The following DPYD variants were observed in gnomAD, a reference collection of about 807,000 sequenced individuals.
DPYD encodes the protein dihydropyrimidine dehydrogenase [NADP(+)].
Under a neutral mutation model 116.2 loss-of-function variants are expected in DPYD, and 109 were observed. That is an observed-to-expected ratio of 0.94 (90% confidence interval 0.80 to 1.10). The LOEUF is 1.10. Ranked by LOEUF, DPYD falls within the 50% of genes least tolerant of loss-of-function variation. DPYD has a pLI of 0.00. For synonymous variants in DPYD, 440 were observed against 432.0 expected, an observed-to-expected ratio of 1.02 and a Z score of -0.23; for missense variants, 1,302 against 1,254.5, an observed-to-expected ratio of 1.04 and a Z score of -0.57.
At chr1:97,767,068 G>T (rs1665896507) in intron 3 of DPYD, among the ~76,000 whole-genome samples, 1 of 152,152 alleles carries the variant, frequency 6.6e-6, no homozygotes, top group Admixed American at 6.5e-5. Flanking sequence ...TTTCTAGCAT[G>T]ATTTCAGAAT....
At chr1:97,744,623 A>G (rs549310615) in intron 3 of DPYD, among the ~76,000 whole-genome samples, 1 of 152,184 alleles carries the variant, frequency 6.6e-6, no homozygotes, top group East Asian at 1.9e-4. Flanking sequence ...TTCACATTAA[A>G]AATTAAAATA....
At chr1:97,769,816 C>A (rs568730743) in intron 3 of DPYD, among the ~76,000 whole-genome samples, 41 of 152,230 alleles carry the variant, frequency 2.7e-4, no homozygotes, top group African/African-American at 9.4e-4. Context: ...TATCTTTCCA[C>A]TTCGGAAGTA....
intron 21 of DPYD, among the ~76,000 whole-genome samples, chr1:97,089,679 C>T (rs1649756777): frequency 6.6e-6 from 1 of 151,178 alleles, no homozygotes; most frequent in South Asian, 2.1e-4. Flanking sequence ...ATAATATGGG[C>T]CATACGCATG....
intron 20 of DPYD, among the ~76,000 whole-genome samples, chr1:97,114,055 C>A (rs1321684062): frequency 6.6e-6 from 1 of 152,064 alleles, no homozygotes; most frequent in African/African-American, 2.4e-5. Context: ...ATCATCATTC[C>A]TAAAACCCTA....
chr1:97,907,366 C>T (rs1486671619), intron 1 of DPYD, among the ~76,000 whole-genome samples: 3 of 152,044 alleles, frequency 2.0e-5, no homozygotes, highest in Non-Finnish European at 4.4e-5. Flanking sequence ...GGAAGTTAAG[C>T]AACTTCATGA....
At chr1:97,810,300 A>AG (rs1668290677) in intron 3 of DPYD, among the ~76,000 whole-genome samples, 1 of 150,998 alleles carries the variant, frequency 6.6e-6, no homozygotes, top group Non-Finnish European at 1.5e-5. Context: ...AAAAAAAAAA[A>AG]AAAAAAGAAG....
intron 19 of DPYD, among the ~76,000 whole-genome samples, chr1:97,195,898 A>G (rs1293378178): frequency 6.6e-6 from 1 of 151,386 alleles, no homozygotes; most frequent in East Asian, 2.0e-4. Context: ...GACTGGATGT[A>G]ACACTCGGCA....
chr1:97,350,428 G>A (rs1453845651), intron 16 of DPYD, among the ~76,000 whole-genome samples: 1 of 151,914 alleles, frequency 6.6e-6, no homozygotes, highest in Non-Finnish European at 1.5e-5. Context: ...ATGGAATGTG[G>A]GTTGCTCATA....
chr1:97,613,599 A>T (rs771679404), intron 8 of DPYD, among the ~76,000 whole-genome samples: 6 of 152,036 alleles, frequency 3.9e-5, no homozygotes, highest in Middle Eastern at 3.2e-3. Context: ...ATGTGTTTAA[A>T]TTTGTTCATT....
chr1:97,571,422 C>T (rs1652887456), intron 11 of DPYD, among the ~76,000 whole-genome samples: 1 of 151,744 alleles, frequency 6.6e-6, no homozygotes, highest in Admixed American at 6.6e-5. Context: ...TGGAGGAGAG[C>T]ATTTTAAACA....
intron 2 of DPYD, among the ~76,000 whole-genome samples, chr1:97,848,075 C>T (rs930482052): frequency 6.6e-6 from 1 of 151,962 alleles, no homozygotes; most frequent in African/African-American, 2.4e-5. Flanking sequence ...AATTGTTATA[C>T]CCCTCTAACG....
intron 12 of DPYD, among the ~76,000 whole-genome samples, chr1:97,538,052 AG>A (rs765703547): frequency 1.8e-4 from 27 of 147,310 alleles, no homozygotes; most frequent in Non-Finnish European, 3.6e-4. Flanking sequence ...GGGCAACAAT[AG>A]TGAAACTCTG....
rs201691863 is a variant in DPYD at position 97,173,404 on chromosome 1, ATACG to A, written c.2622+19661_2622+19664del. On this transcript the variant is annotated intron_variant, in intron 20 of 22. Transcript: ENST00000370192. ...TATATACGTACATATATGTGTGTAT[ATACG>A]TACGTACATATATGTGTGTATATAC... Among the ~76,000 whole-genome samples, 135 of 148,706 alleles carry A rather than the reference ATACG, an allele frequency of 9.1e-4. No homozygotes were observed. The South Asian group carries it at 0.014, about 15-fold the overall frequency.
intron 20 of DPYD, among the ~76,000 whole-genome samples, chr1:97,108,234 C>A (rs1420652146): frequency 1.3e-5 from 2 of 152,146 alleles, no homozygotes; most frequent in African/African-American, 4.8e-5. Flanking sequence ...AGATGGGGCT[C>A]TGATCTTCAC....
intron 16 of DPYD, among the ~76,000 whole-genome samples, chr1:97,363,811 G>T (rs1670878306): frequency 6.6e-6 from 1 of 152,200 alleles, no homozygotes; most frequent in Non-Finnish European, 1.5e-5. Context: ...ATGGGGTGGG[G>T]AGCAGGGGGA....
At chr1:97,390,466 T>C (rs761856764) in intron 14 of DPYD, among the ~76,000 whole-genome samples, 20 of 152,082 alleles carry the variant, frequency 1.3e-4, no homozygotes, top group Admixed American at 7.9e-4. Context: ...ATGTCCTTTA[T>C]GCCTTAGTTC....
intron 18 of DPYD, 138 bp from the exon 19 acceptor site, chr1:97,235,132 A>ATACAC: frequency 2.1e-6 from 2 of 948,948 alleles, no homozygotes; most frequent in Non-Finnish European, 3.3e-6. Context: ...TAAGATGTAT[A>ATACAC]TACATATGTA....
chr1:97,211,919 G>C (rs1660057483), intron 19 of DPYD, among the ~76,000 whole-genome samples: 1 of 151,994 alleles, frequency 6.6e-6, no homozygotes, highest in South Asian at 2.1e-4. Context: ...GAACTCCTAA[G>C]CATGAGTGAA....
intron 10 of DPYD, among the ~76,000 whole-genome samples, chr1:97,592,525 C>A (rs939574798): frequency 6.6e-6 from 1 of 152,112 alleles, no homozygotes; most frequent in Non-Finnish European, 1.5e-5. Flanking sequence ...CACCACCACG[C>A]CCGGCTAATT....
Sources: gnomAD v4.1 joint callset for allele counts (sites outside exome capture counted in the v4.1 genomes callset) on GRCh38, gnomAD v4.1.1 for gene constraint, MANE v1.5 for transcripts, NCBI Gene and HGNC (gene_info 2026-07-23, HGNC 2026-07-21) for gene names.